Variants in CDC25C observed in about 807,000 individuals in gnomAD.
CDC25C encodes the protein cell division cycle 25C.
Under a neutral mutation model 52.5 loss-of-function variants are expected in CDC25C, and 48 were observed. That is an observed-to-expected ratio of 0.91 (90% CI 0.72 to 1.16). The LOEUF is 1.16. Among genes scored for constraint, CDC25C ranks in the 50% most tolerant of loss-of-function variants. The pLI is 0.00. For synonymous variants in CDC25C, 187 were observed against 206.5 expected, an observed-to-expected ratio of 0.91 and a Z score of 0.81; for missense variants, 510 against 566.1, an observed-to-expected ratio of 0.90 and a Z score of 1.01.
At chr5:138,293,894 G>A (rs932085008) in intron 7 of CDC25C, among the ~76,000 whole-genome samples, 9 of 151,986 alleles carry the variant, frequency 5.9e-5, no homozygotes, top group Non-Finnish European at 1.3e-4. Flanking sequence ...TGATCCATCC[G>A]CCTTGGCCTA....
Position 138,331,581 on chromosome 5 carries a change from G to A in CDC25C, c.-39+14C>T. 2 of 1,037,692 alleles carry A rather than the reference G, an allele frequency of 1.9e-6. No individual in the cohort carries two copies. The highest frequency in any genetic ancestry group is 1.7e-5 in the African/African-American group (1 of 59,244). 64.3% of individuals were successfully genotyped at this position (1,037,692 alleles called of 1,614,324 possible). On this transcript the variant is annotated intron_variant, in intron 1 of 13. Transcript: ENST00000323760. ...GTCTCCGTGATTCCGTGGCGGAGAC[G>A]GCTGCGGACTTACCTCAAGCCTGGA...
In CDC25C at chr5:138,286,235, C is replaced by T. The variant is rs541580253; in HGVS notation, c.1161-102G>A. The stretch of plus-strand genomic sequence containing the variant: ...GGGAGAGGAGTAGACTATTGCCAAC[C>T]TCAAAAAGGACTTTCCAATCTCCCT... On this transcript the variant is annotated intron_variant, in intron 12 of 13. Coordinates refer to ENST00000323760, the MANE Select transcript of CDC25C (RefSeq NM_001790.5). The T allele has an allele frequency of 4.3e-6, 4 of 934,634 alleles. No homozygotes were observed. The South Asian group carries it at 6.4e-5, about 15-fold the overall frequency. 57.9% of individuals were successfully genotyped at this position (934,634 alleles called of 1,614,324 possible).
intron 7 of CDC25C, among the ~76,000 whole-genome samples, chr5:138,304,531 G>C (rs1454533533): frequency 6.7e-6 from 1 of 149,348 alleles, no homozygotes; most frequent in Non-Finnish European, 1.5e-5. Context: ...TTTGAGGCAG[G>C]GTCTCCCTTT....
chr5:138,310,415 G>C (rs1034927749), intron 7 of CDC25C, among the ~76,000 whole-genome samples: 2 of 151,970 alleles, frequency 1.3e-5, no homozygotes, highest in African/African-American at 2.4e-5. Context: ...TAAGACTCTC[G>C]CCTCGCACTC....
upstream of CDC25C, among the ~76,000 whole-genome samples, chr5:138,334,084 C>A (rs971326750): frequency 1.3e-5 from 2 of 152,088 alleles, no homozygotes; most frequent in Non-Finnish European, 2.9e-5. Context: ...CAGGTGCCCG[C>A]CACCACGCCT....
chr5:138,287,839 A>C (rs1756378336), intron 10 of CDC25C, among the ~76,000 whole-genome samples: 1 of 152,232 alleles, frequency 6.6e-6, no homozygotes, highest in Non-Finnish European at 1.5e-5. Flanking sequence ...AAACAGGAAA[A>C]GTACACAAAG....
intron 7 of CDC25C, 23 bp from the exon 8 acceptor site, chr5:138,292,139 C>T: frequency 6.9e-6 from 11 of 1,600,580 alleles, no homozygotes; most frequent in Non-Finnish European, 9.4e-6. Context: ...ATTAAACCCC[C>T]TAGTTCTTAC....
rs1323901167 is a variant in CDC25C, at chr5:138,327,138, C to G, written c.336-1084G>C. Reference sequence around the variant, plus strand: ...GGCGTCGTGGCATGTGCCTGTAGTCCCAGCCTCTCAGGAGTCCGAGGCAGG... The same window carrying G: ...GGCGTCGTGGCATGTGCCTGTAGTCGCAGCCTCTCAGGAGTCCGAGGCAGG... On this transcript the variant is annotated intron_variant, in intron 4 of 13. Transcript: ENST00000323760. Among the ~76,000 whole-genome samples, 4 of 150,708 alleles carry G rather than the reference C, an allele frequency of 2.7e-5. No individual in the cohort carries two copies. In the East Asian group the frequency reaches 7.8e-4, roughly 30 times the overall value.
At chr5:138,314,088 T>C (rs1297535576) in intron 7 of CDC25C, among the ~76,000 whole-genome samples, 5 of 148,986 alleles carry the variant, frequency 3.4e-5, no homozygotes, top group Non-Finnish European at 7.4e-5. Flanking sequence ...CTCTGCCTCC[T>C]GGGTTCAGGC....
exon 1 of CDC25C, chr5:138,337,959 C>T: frequency 1.7e-5 from 22 of 1,289,486 alleles, no homozygotes; most frequent in Non-Finnish European, 2.2e-5. Flanking sequence ...TGTTTACCTT[C>T]TTCCGACATG....
At chr5:138,317,691 A>AG (rs1481053018) in intron 7 of CDC25C, among the ~76,000 whole-genome samples, 2 of 150,234 alleles carry the variant, frequency 1.3e-5, no homozygotes, top group Non-Finnish European at 1.5e-5. Context: ...CTAAAAAAAA[A>AG]AAAAAAAAAA....
chr5:138,313,995 CT>C (rs766176155), intron 7 of CDC25C, among the ~76,000 whole-genome samples: 12 of 112,680 alleles, frequency 1.1e-4, no homozygotes, highest in Admixed American at 2.9e-4. Context: ...TTCTTTCTTT[CT>C]TTTTTTTTTT....
intron 7 of CDC25C, among the ~76,000 whole-genome samples, chr5:138,298,821 A>C (rs922644462): frequency 2.6e-5 from 4 of 152,168 alleles, no homozygotes; most frequent in African/African-American, 7.2e-5. Flanking sequence ...GAAATCACAC[A>C]AAATATGTTC....
chr5:138,338,121 T>A, exon 1 of CDC25C: 1 of 1,289,660 alleles, frequency 7.8e-7, no homozygotes, highest in Non-Finnish European at 1.0e-6. Context: ...GAGAGACACT[T>A]TGAGAGAGAC....
intron 7 of CDC25C, among the ~76,000 whole-genome samples, chr5:138,301,721 T>TTC (rs1561684916): frequency 2.7e-5 from 4 of 150,526 alleles, no homozygotes; most frequent in African/African-American, 9.8e-5. Flanking sequence ...TTTTTTTTTT[T>TTC]CAGATGGAGT....
At chr5:138,318,714 TAAAAA>T (rs772073053) in intron 7 of CDC25C, among the ~76,000 whole-genome samples, 31 of 150,884 alleles carry the variant, frequency 2.1e-4, no homozygotes, top group African/African-American at 5.2e-4. Flanking sequence ...GAATCTGTCT[TAAAAA>T]AAACAAACAA....
At chr5:138,326,092 A>G in intron 4 of CDC25C, 38 bp from the exon 5 acceptor site, 2 of 1,610,564 alleles carry the variant, frequency 1.2e-6, no homozygotes, top group Non-Finnish European at 1.7e-6. Context: ...GGTTAGTCCC[A>G]AATACTGTTT....
intron 7 of CDC25C, among the ~76,000 whole-genome samples, chr5:138,293,340 A>G (rs77535893): frequency 6.6e-6 from 1 of 152,290 alleles, no homozygotes; most frequent in Non-Finnish European, 1.5e-5. Flanking sequence ...TGGAGAAATA[A>G]TTAGGCAGTA....
chr5:138,308,670 C>A (rs1758217136), intron 7 of CDC25C, among the ~76,000 whole-genome samples: 1 of 152,004 alleles, frequency 6.6e-6, no homozygotes, highest in Admixed American at 6.6e-5. Flanking sequence ...CTCCCAACAC[C>A]CATCCTGCCT....
Sources: gnomAD v4.1 joint callset for allele counts (sites outside exome capture counted in the v4.1 genomes callset) on GRCh38, gnomAD v4.1.1 for gene constraint, MANE v1.5 for transcripts, NCBI Gene and HGNC (gene_info 2026-07-23, HGNC 2026-07-21) for gene names.